The following ADK variants were observed in gnomAD, a reference collection of about 807,000 sequenced individuals.
ADK encodes the protein N6,N6-dimethyladenosine kinase.
Under a neutral mutation model 44.7 loss-of-function variants are expected in ADK, and 24 were observed. The observed-to-expected ratio is 0.54, with a 90% CI of 0.39 to 0.76. The LOEUF is 0.76. ADK is among the 30% of genes least tolerant of loss of function. ADK has a pLI of 0.00. For missense variants in ADK, 321 were observed against 425.1 expected (o/e 0.76, Z 2.15); for synonymous variants, 128 against 142.6 (o/e 0.90, Z 0.73).
chr10:74,407,430 C>G (rs1017353017), intron 6 of ADK, among the ~76,000 whole-genome samples: 1 of 152,152 alleles, frequency 6.6e-6, no homozygotes, highest in Non-Finnish European at 1.5e-5. Context: ...CTTATGTTGT[C>G]ATGTGCTTTC....
At chr10:74,309,036 T>G (rs1359567663) in intron 3 of ADK, among the ~76,000 whole-genome samples, 1 of 152,174 alleles carries the variant, frequency 6.6e-6, no homozygotes, top group African/African-American at 2.4e-5. Context: ...AGTACTTTTA[T>G]TCATATAGGA....
intron 3 of ADK, among the ~76,000 whole-genome samples, chr10:74,276,196 A>G (rs1846670551): frequency 6.6e-6 from 1 of 152,176 alleles, no homozygotes; most frequent in South Asian, 2.1e-4. Flanking sequence ...CTGAATATAT[A>G]TGATTCTGTT....
Position 74,525,409 on chromosome 10 carries a change from C to T in ADK, c.709C>T (p.Leu237Phe). ...LMKVMPYVDI[L>F]FGNETEAATF... Reference sequence around the variant, plus strand: ...GAAAGTTATGCCTTATGTTGATATACTTTTTGGAAATGAGACAGTGAGTTA... The same window carrying T: ...GAAAGTTATGCCTTATGTTGATATATTTTTTGGAAATGAGACAGTGAGTTA... The change falls in exon 7 of 11, where the codon CTT becomes TTT. Residue 237 changes from leucine (L) to phenylalanine (F), a missense_variant. Leu to Phe is a conservative substitution (Grantham distance 22). Transcript: ENST00000539909. 6.2e-7 allele frequency: 1 copy of T among 1,612,798 alleles called. No homozygotes were observed. The highest frequency in any genetic ancestry group is 1.1e-5 in the South Asian group (1 of 91,070).
intron 2 of ADK, among the ~76,000 whole-genome samples, chr10:74,208,929 G>A (rs1264576000): frequency 6.6e-6 from 1 of 152,108 alleles, no homozygotes; most frequent in South Asian, 2.1e-4. Context: ...TAGAGACAGG[G>A]TTTCACCATG....
chr10:74,708,298 G>GA (rs778256365), intron 10 of ADK, 23 bp from the exon 11 acceptor site: 4 of 1,584,464 alleles, frequency 2.5e-6, no homozygotes, highest in Non-Finnish European at 3.4e-6. Context: ...ATACTCATGT[G>GA]TTTTTTTTTG....
intron 4 of ADK, among the ~76,000 whole-genome samples, chr10:74,362,316 T>G (rs902942411): frequency 2.0e-5 from 3 of 152,124 alleles, no homozygotes. Context: ...ACTGATTCTT[T>G]TATTTGGTTA....
chr10:74,567,109 A>C (rs1246029077), intron 7 of ADK, among the ~76,000 whole-genome samples: 1 of 152,210 alleles, frequency 6.6e-6, no homozygotes, highest in Non-Finnish European at 1.5e-5. Flanking sequence ...CTGGAATTCA[A>C]GTTTCTAGAT....
intron 9 of ADK, among the ~76,000 whole-genome samples, chr10:74,633,171 T>A (rs920189067): frequency 6.6e-6 from 1 of 152,212 alleles, no homozygotes; most frequent in Non-Finnish European, 1.5e-5. Flanking sequence ...CAGTATGAAA[T>A]TCCTCCTTCT....
intron 3 of ADK, among the ~76,000 whole-genome samples, chr10:74,241,553 T>A (rs1845209720): frequency 6.6e-6 from 1 of 152,060 alleles, no homozygotes; most frequent in African/African-American, 2.4e-5. Flanking sequence ...GACCGGCAAA[T>A]TTTTGTATTT....
intron 3 of ADK, among the ~76,000 whole-genome samples, chr10:74,310,857 T>G (rs1840412047): frequency 6.6e-6 from 1 of 152,126 alleles, no homozygotes; most frequent in South Asian, 2.1e-4. Flanking sequence ...TTTTTCTCCC[T>G]TAAGTGTCAA....
At chr10:74,231,144 ATTAC>A (rs1844747075) in intron 3 of ADK, among the ~76,000 whole-genome samples, 1 of 152,210 alleles carries the variant, frequency 6.6e-6, no homozygotes, top group South Asian at 2.1e-4. Context: ...AAAAGAATTA[ATTAC>A]TTCCAAATAC....
intron 3 of ADK, among the ~76,000 whole-genome samples, chr10:74,237,695 G>A (rs189438816): frequency 2.0e-4 from 30 of 152,214 alleles, no homozygotes; most frequent in Non-Finnish European, 1.2e-4. Context: ...TTCTTGATTT[G>A]GGGGTTGCAG....
intron 6 of ADK, among the ~76,000 whole-genome samples, chr10:74,429,558 C>T (rs1844912230): frequency 1.3e-5 from 2 of 152,106 alleles, no homozygotes; most frequent in African/African-American, 4.8e-5. Flanking sequence ...TAAAAAATAT[C>T]TATCAGTTCT....
At chr10:74,622,628 A>G (rs968847738) in intron 9 of ADK, among the ~76,000 whole-genome samples, 3 of 152,172 alleles carry the variant, frequency 2.0e-5, no homozygotes, top group Non-Finnish European at 4.4e-5. Context: ...ACTTAGGAAT[A>G]CTGTTCTTCA....
intron 3 of ADK, among the ~76,000 whole-genome samples, chr10:74,226,793 G>A (rs1043589558): frequency 6.6e-6 from 1 of 152,018 alleles, no homozygotes; most frequent in Non-Finnish European, 1.5e-5. Context: ...CATTTTTGCA[G>A]ATTAACATTC....
At chr10:74,563,052 A>G (rs2133822330) in intron 7 of ADK, among the ~76,000 whole-genome samples, 1 of 152,024 alleles carries the variant, frequency 6.6e-6, no homozygotes, top group South Asian at 2.1e-4. Context: ...AGATTTTTTT[A>G]TTTTTAATTT....
chr10:74,368,634 C>A lies in ADK; in HGVS notation c.274-25507C>A, dbSNP rs558298279. ...ACTTCAAGTTTCTGTCTGAAATATT[C>A]TTTTTTTTTTTTTGATACAGAGTCT... On this transcript the variant is annotated intron_variant, in intron 4 of 10. Transcript: ENST00000539909. Among the ~76,000 whole-genome samples, 514 of 144,798 alleles carry A rather than the reference C, an allele frequency of 3.5e-3. 5 individuals carry two copies. The highest frequency in any genetic ancestry group is 7.4e-3 in the Admixed American group (107 of 14,466). The allele number at this position is 144,798 out of a possible 152,430, so 95.0% of individuals were successfully genotyped here.
chr10:74,173,617 G>A (rs968239743), intron 1 of ADK, among the ~76,000 whole-genome samples: 4 of 151,522 alleles, frequency 2.6e-5, no homozygotes, highest in African/African-American at 9.7e-5. Flanking sequence ...TTTTAGTAAA[G>A]ATGGGGTTTC....
chr10:74,651,944 G>A (rs1236387942), intron 9 of ADK, among the ~76,000 whole-genome samples: 2 of 152,030 alleles, frequency 1.3e-5, no homozygotes, highest in African/African-American at 4.8e-5. Context: ...TTTAGAACAG[G>A]CACTATTAAT....
Sources: gnomAD v4.1 joint callset for allele counts (sites outside exome capture counted in the v4.1 genomes callset) on GRCh38, gnomAD v4.1.1 for gene constraint, MANE v1.5 for transcripts, NCBI Gene and HGNC (gene_info 2026-07-23, HGNC 2026-07-21) for gene names.